The following HPS4 variants were observed in gnomAD, a reference collection of about 807,000 sequenced individuals.
HPS4 encodes HPS4 biogenesis of lysosomal organelles complex 3 subunit 2.
In HPS4, 44 loss-of-function variants were observed where a neutral mutation model predicts 70.3. The ratio of observed to expected loss-of-function variants is 0.63; its 90% CI spans 0.49 to 0.80. The LOEUF is 0.80. Among genes scored for constraint, HPS4 ranks in the 30% least tolerant of loss-of-function variants. HPS4 has a pLI of 0.00. For synonymous variants in HPS4, 377 were observed against 355.9 expected (o/e 1.06, Z -0.67); for missense variants, 873 against 884.4 (o/e 0.99, Z 0.16).
chr22:26,448,096 C>A (rs2085015817), downstream of HPS4, among the ~76,000 whole-genome samples: 1 of 152,214 alleles, frequency 6.6e-6, no homozygotes, highest in South Asian at 2.1e-4. Context: ...AGGCTCGCAG[C>A]ACAGCGCATC....
Position 26,478,840 on chromosome 22 carries a change from C to A in HPS4, c.132+425G>T, listed in dbSNP as rs1279321523. Among the ~76,000 whole-genome samples the A allele has an allele frequency of 2.0e-5, 3 of 152,110 alleles. 1 individual carries two copies. In the East Asian group the frequency reaches 5.8e-4, roughly 30 times the overall value. ...CTGGGATTACAGGAGCGTGCCACCA[C>A]GCCCAGCTAATTTTGGGATTTTTAG... On this transcript the variant is annotated intron_variant, in intron 3 of 13. Coordinates refer to ENST00000398145, the MANE Select transcript of HPS4 (RefSeq NM_022081.6).
At position 26,453,212 on chromosome 22, in the gene HPS4, C is replaced by T. The variant is rs752920923; in HGVS notation, c.*21G>A. The T allele has an allele frequency of 1.2e-6, 2 of 1,612,930 alleles. No homozygotes were observed. The highest frequency in any genetic ancestry group is 1.3e-5 in the African/African-American group (1 of 75,046). ...CTTCCTTTGCTGGTTTTCTCCTTCC[C>T]AGTCACCTCCTGGGTGCAGTTCAGA... On this transcript the variant is annotated 3_prime_UTR_variant, in exon 14 of 14. Transcript: ENST00000398145.
Position 26,477,056 on chromosome 22 carries a change from A to C in HPS4, c.213T>G (p.Pro71=). 15 of 1,614,166 alleles carry C rather than the reference A, an allele frequency of 9.3e-6. No homozygotes were observed. Among genetic ancestry groups the C allele is most frequent in the Non-Finnish European group, 1.3e-5 (15 of 1,179,996 alleles). ...GTTTTCTCAGACGAACAAGAGTAGG[A>C]GGAGAGTCAGAAATGTCAGAAACAC... ...VRCVSDISDS[P]PTLVRLRKLK... is the part of the protein sequence containing the mutation. Residue 71 remains proline, a synonymous_variant, in exon 4 of 14, where the codon CCT becomes CCG. Transcript: ENST00000398145.
intron 12 of HPS4, 62 bp from the exon 13 acceptor site, chr22:26,458,029 T>C (rs942438015): frequency 5.4e-6 from 7 of 1,306,748 alleles, no homozygotes; most frequent in Non-Finnish European, 7.6e-6. Context: ...TCCCACCCCA[T>C]GAAGCCCAGT....
rs141008676 is a variant in HPS4 at position 26,464,094 on chromosome 22, T to A, written c.1536A>T (p.Ser512=). Residue 512 remains serine, a synonymous_variant, in exon 11 of 14, where the codon TCA becomes TCT. Transcript: ENST00000398145. ...AGGGGCCAGCACCCTGACAGTTTGC[T>A]GAGCCTGAACTGCATTCCAGACCAG... ...AAPGLECSSG[S]ANCQGAGPSA... is the part of the protein sequence containing the mutation. 1.4e-5 allele frequency: 23 copies of A among 1,614,162 alleles called. No individual in the cohort carries two copies. In the African/African-American group the frequency reaches 2.8e-4, roughly 20 times the overall value.
rs754066787 is a variant in HPS4 at position 26,464,245 on chromosome 22, G to T, written c.1385C>A (p.Pro462His). The part of the protein sequence containing the change: ...QAPIPRADPL[P>H]RRTRRPLLLP... Reference sequence around the variant, plus strand: ...TAACAAGGGCCTGCGGGTCCTTCTGGGGAGAGGGTCTGCTCTGGGAATGGG... The same window carrying T: ...TAACAAGGGCCTGCGGGTCCTTCTGTGGAGAGGGTCTGCTCTGGGAATGGG... The change falls in exon 11 of 14, where the codon CCC becomes CAC. Residue 462 changes from proline (P) to histidine (H), a missense_variant. Pro to His is a moderately conservative substitution (Grantham distance 77, BLOSUM62 -2). Coordinates refer to ENST00000398145, the MANE Select transcript of HPS4 (RefSeq NM_022081.6). 1 of 1,614,154 alleles carries T rather than the reference G, an allele frequency of 6.2e-7. No individual in the cohort carries two copies.
rs747600132 is a variant in HPS4 at position 26,453,345 on chromosome 22, T to C, written c.2015A>G (p.Gln672Arg). The C allele has an allele frequency of 6.2e-7, 1 of 1,614,216 alleles. No homozygotes were observed. Among genetic ancestry groups the C allele is most frequent in the South Asian group, 1.1e-5 (1 of 91,082 alleles). ...GGAGCTCCGTGCTGCAGGTGCCAGC[T>C]GCTGGAAATATGTCTCCTGGATGGG... is the stretch of plus-strand genomic sequence containing the variant. ...CNPIQETYFQQLAPAARSSGF... is the reference protein window; with the variant it reads ...CNPIQETYFQRLAPAARSSGF... The change falls in exon 14 of 14, where the codon CAG (glutamine) becomes CGG (arginine). Residue 672 changes from glutamine to arginine, a missense_variant. Transcript: ENST00000398145.
rs1894704 is a variant in HPS4, at chr22:26,457,939, C to A, written c.1875G>T (p.Gln625His). The A allele has an allele frequency of 0.91, 1,467,453 of 1,613,816 alleles. 670,573 individuals carry two copies. Among genetic ancestry groups the A allele is most frequent in the Non-Finnish European group, 0.93 (1,095,513 of 1,179,952 alleles). ...MANLPQVATP[Q>H]DRRFLQAVSL... Reference sequence around the variant, plus strand: ...TGACGGCCTGGAGGAAGCGGCGATCCTGCGGGGTGGCCACCTGCGGCAGGT... The same window carrying A: ...TGACGGCCTGGAGGAAGCGGCGATCATGCGGGGTGGCCACCTGCGGCAGGT... Residue 625 changes from glutamine to histidine, a missense_variant, in exon 13 of 14, where the codon CAG becomes CAT. Transcript: ENST00000398145.
intron 2 of HPS4, 100 bp from the exon 3 acceptor site, chr22:26,479,455 TG>T: frequency 4.5e-6 from 7 of 1,541,614 alleles, no homozygotes; most frequent in Non-Finnish European, 6.1e-6. Flanking sequence ...GGCTTATTAC[TG>T]TGTTTGAAAG....
chr22:26,464,171 C>T lies in HPS4; in HGVS notation c.1459G>A (p.Glu487Lys), dbSNP rs2087950753. 1 of 1,614,246 alleles carries T rather than the reference C, an allele frequency of 6.2e-7. No individual in the cohort carries two copies. The highest frequency in any genetic ancestry group is 1.1e-5 in the South Asian group (1 of 91,090). ...GQRGNKLPTG[E>K]QGLDEDVDGV... Reference sequence around the variant, plus strand: ...TCAACATCCTCATCCAGGCCTTGTTCCCCCGTGGGAAGCTTGTTTCCTCTC... The same window carrying T: ...TCAACATCCTCATCCAGGCCTTGTTTCCCCGTGGGAAGCTTGTTTCCTCTC... The change falls in exon 11 of 14, where the codon GAA becomes AAA. Residue 487 changes from glutamate to lysine, a missense_variant. By Grantham distance (56) the Glu-to-Lys change is moderately conservative (BLOSUM62 1). Transcript: ENST00000398145.
In HPS4 at chr22:26,458,084, G is replaced by T; in HGVS notation, c.1847-117C>A. ...CACGGCTCAAGGCCATGAGTTGGCT[G>T]CCCGGGGCAGAGACAAAGGCCCGGG... is the stretch of plus-strand genomic sequence containing the variant. On this transcript the variant is annotated intron_variant, in intron 12 of 13. Transcript: ENST00000398145. 5.5e-6 allele frequency: 5 copies of T among 905,856 alleles called. No individual in the cohort carries two copies. In the South Asian group the frequency reaches 7.0e-5, roughly 13 times the overall value. 56.1% of individuals were successfully genotyped at this position (905,856 alleles called of 1,614,324 possible).
chr22:26,463,934 C>T lies in HPS4; in HGVS notation c.1696G>A (p.Ala566Thr), dbSNP rs774331295. The T allele has an allele frequency of 8.4e-5, 136 of 1,612,718 alleles. No individual in the cohort carries two copies. Among genetic ancestry groups the T allele is most frequent in the Non-Finnish European group, 1.1e-4 (131 of 1,179,986 alleles). ...LAEEPLLGDS[A>T]AIEEVYHSSL... ...ACACTCACCACTTCCTCTATGGCTG[C>T]GCTGTCTCCCAGCAGCGGCTCCTCA... Residue 566 changes from alanine to threonine, a missense_variant, in exon 11 of 14, where the codon GCA becomes ACA. Physicochemically the swap from Ala to Thr is moderately conservative, Grantham distance 58. Coordinates refer to ENST00000398145, the MANE Select transcript of HPS4 (RefSeq NM_022081.6).
At position 26,465,532 on chromosome 22, in the gene HPS4, A is replaced by T. The variant is rs1418465383; in HGVS notation, c.726T>A (p.Asn242Lys). The change falls in exon 10 of 14, where the codon AAT becomes AAA. Residue 242 changes from asparagine (N) to lysine (K), a missense_variant. Transcript: ENST00000398145. ...TCACAAAAACAGGGATAATCTGGAC[A>T]TTCGGGGGCAATGCCGCTCCTGGAA... ...PQEHGAALPPNVQIIPVFVTK... is the reference protein window; with the variant it reads ...PQEHGAALPPKVQIIPVFVTK... 6.2e-7 allele frequency: 1 copy of T among 1,614,100 alleles called. No homozygotes were observed.
At position 26,464,094 on chromosome 22, in the gene HPS4, T is replaced by C; in HGVS notation, c.1536A>G (p.Ser512=). The C allele has an allele frequency of 6.2e-7, 1 of 1,614,280 alleles. No homozygotes were observed. The highest frequency in any genetic ancestry group is 1.1e-5 in the South Asian group (1 of 91,088). Residue 512 remains serine (S), a synonymous_variant, in exon 11 of 14, where the codon TCA becomes TCG. Coordinates refer to ENST00000398145, the MANE Select transcript of HPS4 (RefSeq NM_022081.6). ...AAPGLECSSG[S]ANCQGAGPSA... is the part of the protein sequence containing the mutation. ...AGGGGCCAGCACCCTGACAGTTTGC[T>C]GAGCCTGAACTGCATTCCAGACCAG...
chr22:26,471,005 C>T, intron 6 of HPS4, 192 bp from the exon 7 acceptor site: 2 of 1,225,510 alleles, frequency 1.6e-6, no homozygotes, highest in Non-Finnish European at 2.3e-6. Flanking sequence ...GAACTGCTGA[C>T]ACCACTAAAT....
chr22:26,473,524 T>C (rs1243343215), intron 4 of HPS4, among the ~76,000 whole-genome samples: 7 of 152,126 alleles, frequency 4.6e-5, no homozygotes, highest in Non-Finnish European at 7.4e-5. Context: ...TCCCAGCACT[T>C]TGAGTGGATC....
chr22:26,457,186 T>C (rs919064614), intron 13 of HPS4, among the ~76,000 whole-genome samples: 2 of 150,324 alleles, frequency 1.3e-5, no homozygotes, highest in Admixed American at 6.6e-5. Flanking sequence ...GCATTCTGCA[T>C]GACTGTATGA....
At position 26,472,858 on chromosome 22, in the gene HPS4, T is replaced by C; in HGVS notation, c.358A>G (p.Asn120Asp). 1.2e-6 allele frequency: 2 copies of C among 1,614,112 alleles called. No homozygotes were observed. Among genetic ancestry groups the C allele is most frequent in the Non-Finnish European group, 1.7e-6 (2 of 1,179,962 alleles). The change falls in exon 5 of 14, where the codon AAT becomes GAT. Residue 120 changes from asparagine (N) to aspartate (D), a missense_variant. By Grantham distance (23) the Asn-to-Asp change is conservative. Coordinates refer to ENST00000398145, the MANE Select transcript of HPS4 (RefSeq NM_022081.6). Reference protein sequence around the residue: ...DQLVGFFNFYNGPVSLAYENC... With the variant: ...DQLVGFFNFYDGPVSLAYENC... ...TCATAAGCTAGGGAAACAGGTCCAT[T>C]GTAAAAATTAAAGAATCCAACTAGC... is the stretch of plus-strand genomic sequence containing the variant.
chr22:26,467,199 T>C (rs765404440), intron 8 of HPS4: 1 of 152,262 alleles, frequency 6.6e-6, no homozygotes, highest in Non-Finnish European at 1.5e-5. Flanking sequence ...GTTTAAGTGA[T>C]ATGAGTAAAT....
Sources: allele counts gnomAD v4.1 joint callset (sites outside exome capture counted in the v4.1 genomes callset), GRCh38; gene constraint gnomAD v4.1.1; transcripts MANE v1.5; gene names NCBI Gene and HGNC (gene_info 2026-07-23, HGNC 2026-07-21).